The following SRPK2 variants were observed in gnomAD, a reference collection of about 807,000 sequenced individuals.
SRPK2 encodes the protein SRSF protein kinase 2.
Under a neutral mutation model 90.8 loss-of-function variants are expected in SRPK2, and 21 were observed. That is an observed-to-expected ratio of 0.23 (90% CI 0.16 to 0.33). The LOEUF is 0.33. SRPK2 is among the 10% of genes least tolerant of loss of function. The probability of loss-of-function intolerance (pLI) is 1.00; values close to 1 mark genes in which losing one functional copy is unlikely to be tolerated. For synonymous variants in SRPK2, 288 were observed against 311.1 expected, an observed-to-expected ratio of 0.93 and a Z score of 0.78; for missense variants, 620 against 869.0, an observed-to-expected ratio of 0.71 and a Z score of 3.60.
At chr7:105,327,194 C>T (rs961575893) in intron 2 of SRPK2, among the ~76,000 whole-genome samples, 3 of 151,416 alleles carry the variant, frequency 2.0e-5, no homozygotes, top group African/African-American at 7.3e-5. Context: ...TATGGACCTA[C>T]AAATGGCCTT....
chr7:105,232,721 A>T (rs116491563), intron 2 of SRPK2, among the ~76,000 whole-genome samples: 122,317 of 151,236 alleles, frequency 0.81, 50,137 homozygotes, highest in Non-Finnish European at 0.87. Flanking sequence ...TAATAATAAA[A>T]AAAAAAAAGA....
chr7:105,376,082 C>A (rs1008929208), intron 2 of SRPK2, among the ~76,000 whole-genome samples: 3 of 148,702 alleles, frequency 2.0e-5, no homozygotes, highest in Non-Finnish European at 4.4e-5. Context: ...CAAGCTCCGC[C>A]TTCCCAGGTT....
chr7:105,337,713 A>T (rs938686455), intron 2 of SRPK2, among the ~76,000 whole-genome samples: 1 of 152,128 alleles, frequency 6.6e-6, no homozygotes, highest in African/African-American at 2.4e-5. Context: ...GCAAGCCAAG[A>T]ACAGGGCCCT....
chr7:105,142,060 G>A lies in SRPK2; in HGVS notation c.1491C>T (p.Ser497=), dbSNP rs1283426717. 5.0e-6 allele frequency: 8 copies of A among 1,613,946 alleles called. No homozygotes were observed. The highest frequency in any genetic ancestry group is 2.2e-5 in the East Asian group (1 of 44,892). Residue 497 remains serine (S), a synonymous_variant, in exon 11 of 16, where the codon TCC becomes TCT. Coordinates refer to ENST00000393651, the MANE Select transcript of SRPK2 (RefSeq NM_182692.3). ...PLTEQEESSP[S]HDRSRTVSAS... is the part of the protein sequence containing the mutation. ...CTGAAACCGTTCTGCTTCTGTCATG[G>A]GATGGACTGCTCTCCTCTTGCTCAG...
chr7:105,160,537 T>C lies in SRPK2; in HGVS notation c.591A>G (p.Pro197=), dbSNP rs751688383. The C allele has an allele frequency of 3.1e-6, 5 of 1,613,716 alleles. No homozygotes were observed. The East Asian group carries it at 8.9e-5, about 29-fold the overall frequency. ...GAATGATACTCTTCACACAACGTAC[T>C]GGGAGGCCTTGATAGTTGGATTTGA... ...WIIKSNYQGL[P]VRCVKSIIRQ... The change falls in exon 7 of 16, where the codon CCA becomes CCG. Residue 197 remains proline, a synonymous_variant. Transcript: ENST00000393651.
At chr7:105,283,624 G>A (rs1396626703) in intron 2 of SRPK2, among the ~76,000 whole-genome samples, 2 of 152,124 alleles carry the variant, frequency 1.3e-5, no homozygotes, top group South Asian at 2.1e-4. Flanking sequence ...TGGGAATGAG[G>A]AGTGTTTGCT....
intron 3 of SRPK2, among the ~76,000 whole-genome samples, chr7:105,196,942 C>A (rs528800331): frequency 2.0e-5 from 3 of 151,940 alleles, no homozygotes; most frequent in South Asian, 4.2e-4. Flanking sequence ...CCAAGCTACT[C>A]GGGAGGCTGA....
At chr7:105,190,862 C>G (rs1794196700) in intron 3 of SRPK2, among the ~76,000 whole-genome samples, 1 of 152,200 alleles carries the variant, frequency 6.6e-6, no homozygotes, top group Non-Finnish European at 1.5e-5. Context: ...AACATCTTCC[C>G]CAATCCAACT....
chr7:105,141,149 C>A (rs1414596083), intron 11 of SRPK2, among the ~76,000 whole-genome samples: 1 of 152,128 alleles, frequency 6.6e-6, no homozygotes, highest in Non-Finnish European at 1.5e-5. Context: ...GAAAGCAAAT[C>A]CTTAGGAGGA....
rs1344076694 is a variant in SRPK2, at chr7:105,146,569, A to G, written c.711T>C (p.Asp237=). 5 of 1,614,092 alleles carry G rather than the reference A, an allele frequency of 3.1e-6. No individual in the cohort carries two copies. Among genetic ancestry groups the G allele is most frequent in the Non-Finnish European group, 4.2e-6 (5 of 1,180,040 alleles). ...KPENILMCVD[D]AYVRRMAAEA... Reference sequence around the variant, plus strand: ...CAGCTGCCATTCTTCTCACATATGCATCATCCACACACATCAAGATATTTT... The same window carrying G: ...CAGCTGCCATTCTTCTCACATATGCGTCATCCACACACATCAAGATATTTT... The change falls in exon 8 of 16, where the codon GAT becomes GAC. Residue 237 remains aspartate, a synonymous_variant. Transcript: ENST00000393651.
intron 2 of SRPK2, among the ~76,000 whole-genome samples, chr7:105,241,700 T>A (rs1800837631): frequency 6.6e-6 from 1 of 152,194 alleles, no homozygotes; most frequent in South Asian, 2.1e-4. Flanking sequence ...CAACAATCTA[T>A]TCCTTTACAG....
At chr7:105,375,777 A>G (rs192147046) in intron 2 of SRPK2, among the ~76,000 whole-genome samples, 1 of 152,082 alleles carries the variant, frequency 6.6e-6, no homozygotes, top group South Asian at 2.1e-4. Flanking sequence ...TGGGTTTTCC[A>G]AAGGTAATAT....
upstream of SRPK2, chr7:105,389,433 T>G: frequency 8.3e-7 from 1 of 1,198,228 alleles, no homozygotes; most frequent in Non-Finnish European, 1.1e-6. Flanking sequence ...CTGGGAAACC[T>G]GGGTCCGCGA....
chr7:105,257,062 C>T (rs957496771), intron 2 of SRPK2, among the ~76,000 whole-genome samples: 5 of 152,172 alleles, frequency 3.3e-5, no homozygotes, highest in Non-Finnish European at 4.4e-5. Context: ...CAGCCACCCA[C>T]GAATGTGTCT....
At chr7:105,155,819 T>TA (rs1410281485) in intron 7 of SRPK2, among the ~76,000 whole-genome samples, 4 of 152,148 alleles carry the variant, frequency 2.6e-5, no homozygotes, top group Non-Finnish European at 4.4e-5. Context: ...GATGTGGAGA[T>TA]AAAAAACGGA....
intron 3 of SRPK2, among the ~76,000 whole-genome samples, chr7:105,178,937 C>CTAA (rs999187250): frequency 6.6e-6 from 1 of 151,998 alleles, no homozygotes; most frequent in African/African-American, 2.4e-5. Context: ...AGAAGAAACA[C>CTAA]TAATAATAAT....
intron 6 of SRPK2, among the ~76,000 whole-genome samples, chr7:105,166,518 T>C (rs776724916): frequency 1.6e-4 from 24 of 152,230 alleles, no homozygotes; most frequent in Non-Finnish European, 2.6e-4. Flanking sequence ...CAAGAAAAGA[T>C]AGATGGATCA....
At chr7:105,378,266 T>A (rs1032562332) in intron 2 of SRPK2, among the ~76,000 whole-genome samples, 1 of 152,176 alleles carries the variant, frequency 6.6e-6, no homozygotes, top group African/African-American at 2.4e-5. Flanking sequence ...TCCAGTTTGC[T>A]TTTAGATTAC....
At chr7:105,264,414 G>A (rs1804761627) in intron 2 of SRPK2, among the ~76,000 whole-genome samples, 1 of 152,150 alleles carries the variant, frequency 6.6e-6, no homozygotes. Context: ...TTGGAGAAGG[G>A]ACAACACACA....
Sources: allele counts gnomAD v4.1 joint callset (sites outside exome capture counted in the v4.1 genomes callset), GRCh38; gene constraint gnomAD v4.1.1; transcripts MANE v1.5; gene names NCBI Gene and HGNC (gene_info 2026-07-23, HGNC 2026-07-21).